Variants in CEACAM20 observed in about 807,000 individuals in gnomAD.
CEACAM20 encodes the protein cell adhesion molecule CEACAM20.
A neutral mutation model predicts 61.2 loss-of-function variants in CEACAM20; 50 were observed. That is an observed-to-expected ratio of 0.82 (90% CI 0.65 to 1.03). CEACAM20 has a LOEUF of 1.03. Among genes scored for constraint, CEACAM20 ranks in the 50% least tolerant of loss-of-function variants. CEACAM20 has a pLI of 0.00. For synonymous variants in CEACAM20, 282 were observed against 287.7 expected, an observed-to-expected ratio of 0.98 and a Z score of 0.20; for missense variants, 683 against 736.4, an observed-to-expected ratio of 0.93 and a Z score of 0.84.
chr19:44,506,309 C>T, intron 11 of CEACAM20, 95 bp from the exon 12 acceptor site: 2 of 1,096,650 alleles, frequency 1.8e-6, no homozygotes, highest in Non-Finnish European at 2.7e-6. Context: ...TGGAGCTTTC[C>T]TTTCTTTGGA....
chr19:44,528,144 C>G (rs925098805), intron 1 of CEACAM20, among the ~76,000 whole-genome samples: 1 of 129,318 alleles, frequency 7.7e-6, no homozygotes, highest in African/African-American at 3.3e-5. Context: ...CTCTTTCTTT[C>G]TTTTCTTTCT....
rs1971225062 is a variant in CEACAM20, at chr19:44,518,081, G to GAAAGAAAGAAAGAAAGAAA, written c.1031-858_1031-857insTTTCTTTCTTTCTTTCTTT. ...ATAGAGTGAGACTCAAAAGGAAAGAGGAAAGAAAGAAAGAAAGAAAGAAAG... is the reference window on the plus strand; with the variant it reads ...ATAGAGTGAGACTCAAAAGGAAAGAGAAAGAAAGAAAGAAAGAAAGAAAGAAAGAAAGAAAGAAAGAAAG... On this transcript the variant is annotated intron_variant, in intron 5 of 11. Coordinates refer to ENST00000614924, the MANE Select transcript of CEACAM20 (RefSeq NM_001102597.3). Among the ~76,000 whole-genome samples, 104 of 105,212 alleles carry GAAAGAAAGAAAGAAAGAAA rather than the reference G, an allele frequency of 9.9e-4. 19 individuals carry two copies. Among genetic ancestry groups the GAAAGAAAGAAAGAAAGAAA allele is most frequent in the East Asian group, 3.4e-3 (13 of 3,802 alleles). The allele number at this position is 105,212 out of a possible 152,430, so 69.0% of individuals were successfully genotyped here. A position where few individuals can be genotyped will look rare whatever the true frequency, so the allele number is the denominator to read the frequency against.
rs763232394 is a variant in CEACAM20, at chr19:44,525,134, G to T, written c.163C>A (p.Pro55Thr). 6.2e-7 allele frequency: 1 copy of T among 1,610,784 alleles called. No homozygotes were observed. ...CTGCCATGAATCTGGGGTGTCCTGG[G>T]GGTCCCAAACACAGGCAGAACAACA... ...EDVVLPVFGTPRTPQIHGRSR... is the reference protein window; with the variant it reads ...EDVVLPVFGTTRTPQIHGRSR... The change falls in exon 2 of 12, where the codon CCC becomes ACC. Residue 55 changes from proline to threonine, a missense_variant. By Grantham distance (38) the Pro-to-Thr change is conservative. Transcript: ENST00000614924.
Position 44,523,976 on chromosome 19 carries a change from A to C in CEACAM20, c.472+10T>G, listed in dbSNP as rs1209290758. 1.3e-6 allele frequency: 2 copies of C among 1,545,906 alleles called. No individual in the cohort carries two copies. Among genetic ancestry groups the C allele is most frequent in the Admixed American group, 3.9e-5 (2 of 50,864 alleles). The stretch of plus-strand genomic sequence containing the variant: ...CAGTGAGGGGTTGGAGAGAATGGAA[A>C]GGGACTCACACTTCACATCCAGGAA... On this transcript the variant is annotated intron_variant, in intron 3 of 11. Transcript: ENST00000614924.
At chr19:44,527,555 C>T (rs1319610637) in intron 1 of CEACAM20, among the ~76,000 whole-genome samples, 3 of 152,162 alleles carry the variant, frequency 2.0e-5, no homozygotes, top group African/African-American at 7.2e-5. Context: ...CATACCCACC[C>T]GAGACAGGAA....
intron 5 of CEACAM20, among the ~76,000 whole-genome samples, chr19:44,518,610 T>C (rs1322278927): frequency 6.6e-6 from 1 of 152,022 alleles, no homozygotes; most frequent in African/African-American, 2.4e-5. Context: ...TTAAGAGTCA[T>C]ACTTTATTTA....
Position 44,520,741 on chromosome 19 carries a change from T to C in CEACAM20, c.763A>G (p.Met255Val), listed in dbSNP as rs367917751. The part of the protein sequence containing the change: ...LKVRVLETLT[M>V]PQVVPSSLNL... Reference sequence around the variant, plus strand: ...AGGCTTGAAGGCACGACTTGAGGCATGGTCAGTGTTTCTGGAAACACGTGG... The same window carrying C: ...AGGCTTGAAGGCACGACTTGAGGCACGGTCAGTGTTTCTGGAAACACGTGG... The change falls in exon 5 of 12, where the codon ATG becomes GTG. Residue 255 changes from methionine (M) to valine (V), a missense_variant. Physicochemically the swap from Met to Val is conservative, Grantham distance 21. Transcript: ENST00000614924. 9 of 1,612,398 alleles carry C rather than the reference T, an allele frequency of 5.6e-6. No individual in the cohort carries two copies. The African/African-American group carries it at 1.2e-4, about 22-fold the overall frequency.
At chr19:44,528,174 TCTTTCTTTC>T (rs1178035925) in intron 1 of CEACAM20, among the ~76,000 whole-genome samples, 1 of 113,724 alleles carries the variant, frequency 8.8e-6, no homozygotes, top group Non-Finnish European at 1.9e-5. Flanking sequence ...TTCTTTCCTT[TCTTTCTTTC>T]CTTTCTTTCT....
At chr19:44,509,921 G>A (rs1970922350) in intron 11 of CEACAM20, among the ~76,000 whole-genome samples, 1 of 152,142 alleles carries the variant, frequency 6.6e-6, no homozygotes, top group Non-Finnish European at 1.5e-5. Flanking sequence ...GAATGGAGAG[G>A]TAGGAAATAG....
intron 4 of CEACAM20, among the ~76,000 whole-genome samples, chr19:44,521,828 C>T (rs552605589): frequency 2.8e-4 from 42 of 152,118 alleles, no homozygotes; most frequent in African/African-American, 9.9e-4. Context: ...TGTACATGCA[C>T]GTGAGTGTGC....
rs922514112 is a variant in CEACAM20, at chr19:44,520,843, T to A, written c.752-91A>T. 2.5e-5 allele frequency: 28 copies of A among 1,109,606 alleles called. 1 individual carries two copies. The African/African-American group carries it at 7.3e-4, about 29-fold the overall frequency. The allele number at this position is 1,109,606 out of a possible 1,614,324, so 68.7% of individuals were successfully genotyped here. A position where few individuals can be genotyped will look rare whatever the true frequency, so the allele number is the denominator to read the frequency against. ...GCCCACAAGTTTTTCCAGGAGTGCG[T>A]GCGTGTGTGTGTGTGTGTGTGTGTG... On this transcript the variant is annotated intron_variant, in intron 4 of 11. Coordinates refer to ENST00000614924, the MANE Select transcript of CEACAM20 (RefSeq NM_001102597.3).
intron 6 of CEACAM20, among the ~76,000 whole-genome samples, chr19:44,514,812 A>C (rs923625179): frequency 6.7e-6 from 1 of 150,338 alleles, no homozygotes; most frequent in African/African-American, 2.5e-5. Context: ...AACTCTATAG[A>C]CTTTTTAAAA....
chr19:44,524,999 G>T, intron 2 of CEACAM20, 102 bp downstream of exon 2: 1 of 1,455,562 alleles, frequency 6.9e-7, no homozygotes, highest in Non-Finnish European at 9.4e-7. Flanking sequence ...CCCTGGCTGA[G>T]CCAATCAGAT....
At chr19:44,518,171 A>AGGC (rs1971246476) in intron 5 of CEACAM20, among the ~76,000 whole-genome samples, 3 of 131,076 alleles carry the variant, frequency 2.3e-5, no homozygotes, top group Non-Finnish European at 3.4e-5. Context: ...AGGAAGGAAG[A>AGGC]AAGCAGGCAG....
At chr19:44,514,282 T>C (rs1971091503) in intron 6 of CEACAM20, among the ~76,000 whole-genome samples, 1 of 152,300 alleles carries the variant, frequency 6.6e-6, no homozygotes, top group Non-Finnish European at 1.5e-5. Flanking sequence ...GGCCTGCCGA[T>C]TGCCCATCTC....
chr19:44,524,551 C>T (rs544738283), intron 2 of CEACAM20, among the ~76,000 whole-genome samples: 8 of 152,214 alleles, frequency 5.3e-5, no homozygotes, highest in South Asian at 4.2e-4. Context: ...ATCAAGCTTA[C>T]GACATGGGTG....
intron 7 of CEACAM20, 96 bp downstream of exon 7, chr19:44,513,076 G>C: frequency 7.7e-7 from 1 of 1,306,172 alleles, no homozygotes; most frequent in Non-Finnish European, 1.1e-6. Flanking sequence ...CCAGGTGCCA[G>C]ACAAGACTCA....
intron 11 of CEACAM20, among the ~76,000 whole-genome samples, chr19:44,509,546 G>A (rs1016009599): frequency 6.6e-6 from 1 of 152,080 alleles, no homozygotes; most frequent in Non-Finnish European, 1.5e-5. Context: ...TAAATGGAAA[G>A]CTTGAAAAGG....
intron 1 of CEACAM20, among the ~76,000 whole-genome samples, chr19:44,526,294 A>G (rs1388460915): frequency 6.6e-6 from 1 of 151,908 alleles, no homozygotes; most frequent in Non-Finnish European, 1.5e-5. Context: ...GGATCACTTG[A>G]GCTAAGGAAT....
Sources: allele counts gnomAD v4.1 joint callset (sites outside exome capture counted in the v4.1 genomes callset), GRCh38; gene constraint gnomAD v4.1.1; transcripts MANE v1.5; gene names NCBI Gene and HGNC (gene_info 2026-07-23, HGNC 2026-07-21).